GPC5: variants seen among roughly 807,000 people sequenced by gnomAD.
The protein encoded by GPC5 is glypican 5, also known as glypican-5.
Under a neutral mutation model 53.9 loss-of-function variants are expected in GPC5, and 47 were observed. That is an observed-to-expected ratio of 0.87 (90% CI 0.69 to 1.11). GPC5 has a LOEUF of 1.11. Among genes scored for constraint, GPC5 ranks in the 50% most tolerant of loss-of-function variants. GPC5 has a pLI of 0.00. For synonymous variants in GPC5, 286 were observed against 263.3 expected, an observed-to-expected ratio of 1.09 and a Z score of -0.84; for missense variants, 748 against 713.1, an observed-to-expected ratio of 1.05 and a Z score of -0.56.
chr13:91,701,795 C>A lies in GPC5; in HGVS notation c.1020+7914C>A, dbSNP rs191746540. ...TCTCTTCCACATACTGATTTCATAT[C>A]TTTTCGATGTATACCCAAAAGGATA... On this transcript the variant is annotated intron_variant, in intron 3 of 7. Transcript: ENST00000377067. Among the ~76,000 whole-genome samples the A allele has an allele frequency of 4.1e-4, 63 of 152,176 alleles. No homozygotes were observed. The Middle Eastern group carries it at 0.01, about 25-fold the overall frequency.
At chr13:92,315,754 T>C (rs2043175188) in intron 7 of GPC5, among the ~76,000 whole-genome samples, 1 of 152,192 alleles carries the variant, frequency 6.6e-6, no homozygotes, top group Non-Finnish European at 1.5e-5. Flanking sequence ...AGTAAATGTA[T>C]AAGGACTCTT....
At chr13:92,372,699 T>A (rs983443560) in intron 7 of GPC5, among the ~76,000 whole-genome samples, 2 of 150,000 alleles carry the variant, frequency 1.3e-5, no homozygotes, top group African/African-American at 2.5e-5. Flanking sequence ...CTGTAGAGTA[T>A]CTTTTTTTGT....
intron 7 of GPC5, among the ~76,000 whole-genome samples, chr13:92,424,811 TATTC>T (rs552617474): frequency 0.02 from 1,684 of 82,728 alleles, 26 homozygotes; most frequent in South Asian, 0.092. Context: ...AATATTCATC[TATTC>T]ATTCATTCAT....
rs147290705 is a variant in GPC5, at chr13:92,721,774, T to A, written c.1562-144508T>A. On this transcript the variant is annotated intron_variant, in intron 7 of 7. Coordinates refer to ENST00000377067, the MANE Select transcript of GPC5 (RefSeq NM_004466.6). ...CAAATGTCTTATTCACACATGCCATTAAGTCACTGTGTTATTGAAGATAAC... is the reference window on the plus strand; with the variant it reads ...CAAATGTCTTATTCACACATGCCATAAAGTCACTGTGTTATTGAAGATAAC... Among the ~76,000 whole-genome samples the A allele has an allele frequency of 5.5e-3, 829 of 152,076 alleles. 12 individuals are homozygous for A. Among genetic ancestry groups the A allele is most frequent in the African/African-American group, 0.019 (787 of 41,512 alleles).
chr13:92,830,001 T>G lies in GPC5; in HGVS notation c.1562-36281T>G, dbSNP rs1228251714. ...TCCAAGGTATAAAGAAAACGAGTCA[T>G]GCTGGTACTTGGAGCATTAAGGTTA... On this transcript the variant is annotated intron_variant, in intron 7 of 7. Transcript: ENST00000377067. Among the ~76,000 whole-genome samples, 3 of 152,254 alleles carry G rather than the reference T, an allele frequency of 2.0e-5. No homozygotes were observed. The East Asian group carries it at 5.8e-4, about 29-fold the overall frequency.
At chr13:92,740,725 A>T (rs567212615) in intron 7 of GPC5, among the ~76,000 whole-genome samples, 23 of 151,906 alleles carry the variant, frequency 1.5e-4, no homozygotes, top group Non-Finnish European at 2.9e-4. Context: ...TTTCAAGCAC[A>T]TAATAAGCAA....
At chr13:92,810,478 G>A (rs1877254457) in intron 7 of GPC5, among the ~76,000 whole-genome samples, 1 of 151,786 alleles carries the variant, frequency 6.6e-6, no homozygotes, top group African/African-American at 2.4e-5. Context: ...CATTTCGAGT[G>A]TACAATTTAA....
chr13:91,786,768 C>T (rs2037886226), intron 5 of GPC5, among the ~76,000 whole-genome samples: 1 of 152,044 alleles, frequency 6.6e-6, no homozygotes, highest in East Asian at 1.9e-4. Flanking sequence ...TTTGTTTTTA[C>T]ATTTGATTAT....
chr13:91,619,756 C>T (rs2139356893), intron 2 of GPC5, among the ~76,000 whole-genome samples: 1 of 152,258 alleles, frequency 6.6e-6, no homozygotes, highest in African/African-American at 2.4e-5. Flanking sequence ...TTTTCTGTAA[C>T]AGACAGAGAA....
rs114308499 is a variant in GPC5, at chr13:91,623,790, A to G, written c.326-69397A>G. Among the ~76,000 whole-genome samples the G allele has an allele frequency of 3.2e-3, 492 of 152,260 alleles. 5 individuals are homozygous for G. Among genetic ancestry groups the G allele is most frequent in the African/African-American group, 0.011 (476 of 41,560 alleles). ...GGCTCAGTTATATAACAAGTTGATA[A>G]TAGAGAGCAGATAGCAGATGCTCTA... is the stretch of plus-strand genomic sequence containing the variant. On this transcript the variant is annotated intron_variant, in intron 2 of 7. Transcript: ENST00000377067.
chr13:92,812,924 C>T (rs1877345675), intron 7 of GPC5, among the ~76,000 whole-genome samples: 1 of 151,832 alleles, frequency 6.6e-6, no homozygotes, highest in African/African-American at 2.4e-5. Context: ...CTCAGAACTT[C>T]TCTAAATAAT....
chr13:91,992,689 C>T (rs2040467931), intron 6 of GPC5, among the ~76,000 whole-genome samples: 1 of 152,036 alleles, frequency 6.6e-6, no homozygotes, highest in African/African-American at 2.4e-5. Context: ...AACACCTGAC[C>T]TCATGATCTG....
chr13:92,385,282 G>T (rs1318636421), intron 7 of GPC5, among the ~76,000 whole-genome samples: 1 of 148,250 alleles, frequency 6.7e-6, no homozygotes, highest in Non-Finnish European at 1.5e-5. Context: ...GACTGTTTAT[G>T]CAGTATAGTC....
At chr13:91,473,224 C>T (rs974306915) in intron 2 of GPC5, among the ~76,000 whole-genome samples, 15 of 152,022 alleles carry the variant, frequency 9.9e-5, no homozygotes, top group Admixed American at 9.2e-4. Context: ...TCCCTTGACA[C>T]GTGGGGATTA....
intron 7 of GPC5, among the ~76,000 whole-genome samples, chr13:92,226,272 C>T (rs1364566084): frequency 2.6e-5 from 4 of 152,114 alleles, no homozygotes; most frequent in Admixed American, 2.0e-4. Context: ...TGAAAACACA[C>T]TAATACATTC....
chr13:91,490,090 A>G (rs1883855886), intron 2 of GPC5, among the ~76,000 whole-genome samples: 1 of 152,202 alleles, frequency 6.6e-6, no homozygotes, highest in Non-Finnish European at 1.5e-5. Context: ...AGAGATTATT[A>G]TTATTATGGT....
At chr13:91,728,185 T>G (rs77592259) in intron 3 of GPC5, among the ~76,000 whole-genome samples, 4 of 152,140 alleles carry the variant, frequency 2.6e-5, no homozygotes, top group Non-Finnish European at 5.9e-5. Context: ...AGGACAAGTA[T>G]GTGATTAGTT....
At chr13:91,857,815 G>T (rs2138904947) in intron 5 of GPC5, among the ~76,000 whole-genome samples, 1 of 151,402 alleles carries the variant, frequency 6.6e-6, no homozygotes, top group East Asian at 1.9e-4. Flanking sequence ...AGTCTACTCT[G>T]AAGTTTTATC....
chr13:91,983,209 A>T (rs1392825120), intron 6 of GPC5, among the ~76,000 whole-genome samples: 3 of 152,048 alleles, frequency 2.0e-5, no homozygotes, highest in Admixed American at 2.0e-4. Flanking sequence ...AGCCGGGCGT[A>T]CTGGCGGGCG....
Sources: gnomAD v4.1 joint callset for allele counts (sites outside exome capture counted in the v4.1 genomes callset) on GRCh38, gnomAD v4.1.1 for gene constraint, MANE v1.5 for transcripts, NCBI Gene and HGNC (gene_info 2026-07-23, HGNC 2026-07-21) for gene names.